Variants in CDON observed in about 807,000 individuals in gnomAD.
CDON encodes the protein cell adhesion molecule-related/down-regulated by oncogenes.
CDON carries 73 observed loss-of-function variants against 120.9 expected under a neutral mutation model. The observed-to-expected ratio is 0.60, with a 90% CI of 0.50 to 0.73. CDON has a LOEUF of 0.73. Among genes scored for constraint, CDON ranks in the 30% least tolerant of loss-of-function variants. The pLI is 0.00. For missense variants in CDON, 1,470 were observed against 1,587.3 expected, an observed-to-expected ratio of 0.93 and a Z score of 1.26; for synonymous variants, 566 against 573.5, an observed-to-expected ratio of 0.99 and a Z score of 0.19.
At chr11:126,037,381 T>C (rs990953442) in intron 1 of CDON, among the ~76,000 whole-genome samples, 1 of 152,214 alleles carries the variant, frequency 6.6e-6, no homozygotes, top group African/African-American at 2.4e-5. Context: ...ATTACAGGCG[T>C]GACCCACTGC....
In CDON at chr11:125,981,324, C is replaced by A; in HGVS notation, c.3001G>T (p.Asp1001Tyr). The A allele has an allele frequency of 6.2e-7, 1 of 1,612,650 alleles. No individual in the cohort carries two copies. Among genetic ancestry groups the A allele is most frequent in the South Asian group, 1.1e-5 (1 of 91,046 alleles). ...NRQQNTIQKYDPPGYLYQGSD... is the reference protein window; with the variant it reads ...NRQQNTIQKYYPPGYLYQGSD... ...CCTTGGTAGAGATATCCTGGTGGGT[C>A]ATATTCTGTTAAAAGAGAACAAAAA... Residue 1001 changes from aspartate (D) to tyrosine (Y), a missense_variant, in exon 17 of 20, where the codon GAC (aspartate) becomes TAC (tyrosine). By Grantham distance (160) the Asp-to-Tyr change is radical. Transcript: ENST00000531738.
intron 18 of CDON, among the ~76,000 whole-genome samples, chr11:125,977,812 A>G (rs1946187191): frequency 7.0e-6 from 1 of 142,028 alleles, no homozygotes; most frequent in Non-Finnish European, 1.5e-5. Context: ...TTGCTGCTTA[A>G]TTTTCTTAAG....
Position 125,989,676 on chromosome 11 carries a change from C to T in CDON, c.2734G>A (p.Glu912Lys), listed in dbSNP as rs1283279067. 5 of 1,613,558 alleles carry T rather than the reference C, an allele frequency of 3.1e-6. No individual in the cohort carries two copies. The East Asian group carries it at 6.7e-5, about 22-fold the overall frequency. ...IKMQCFNEGG[E>K]SEFSNVMICE... ...ATCATCACATTGCTAAATTCACTTT[C>T]TCCTCCTTCATTGAAGCATTGCATT... is the stretch of plus-strand genomic sequence containing the variant. The change falls in exon 15 of 20, where the codon GAA becomes AAA. Residue 912 changes from glutamate to lysine, a missense_variant. Glu to Lys is a moderately conservative substitution (Grantham distance 56). Coordinates refer to ENST00000531738, the MANE Select transcript of CDON (RefSeq NM_001378964.1).
At chr11:125,978,722 T>TTA (rs766619578) in intron 17 of CDON, among the ~76,000 whole-genome samples, 2 of 152,242 alleles carry the variant, frequency 1.3e-5, no homozygotes, top group Admixed American at 6.5e-5. Context: ...ACATTATATG[T>TTA]TATAGCCTCC....
intron 18 of CDON, among the ~76,000 whole-genome samples, chr11:125,970,554 G>A (rs1018531053): frequency 3.3e-5 from 5 of 152,074 alleles, no homozygotes; most frequent in Admixed American, 1.3e-4. Flanking sequence ...TCTTATTTTC[G>A]GGAGCTTATC....
chr11:125,992,043 T>C (rs990681153), intron 14 of CDON, among the ~76,000 whole-genome samples: 2 of 152,136 alleles, frequency 1.3e-5, no homozygotes, highest in African/African-American at 4.8e-5. Flanking sequence ...AGAAGGGTGA[T>C]GATGATGAGA....
chr11:126,007,619 T>TA (rs1404659955), intron 8 of CDON, among the ~76,000 whole-genome samples: 2 of 152,164 alleles, frequency 1.3e-5, no homozygotes, highest in Non-Finnish European at 2.9e-5. Context: ...GATCTGGCTG[T>TA]AAAAGAGTTT....
rs766547644 is a variant in CDON at position 125,995,068 on chromosome 11, AAAAC to A, written c.2363-20_2363-17del. ...TATGTTGAACCTTTGAGGGAAAACAAAAACAAACAAACAACAACAACAAAAACAT... is the reference window on the plus strand; with the variant it reads ...TATGTTGAACCTTTGAGGGAAAACAAAAACAAACAACAACAACAAAAACAT... On this transcript the variant is annotated splice_polypyrimidine_tract_variant and intron_variant, in intron 12 of 19. Transcript: ENST00000531738. The A allele has an allele frequency of 5.6e-6, 9 of 1,598,674 alleles. No homozygotes were observed. The highest frequency in any genetic ancestry group is 3.3e-5 in the South Asian group (3 of 90,522).
At chr11:126,025,238 A>C (rs1947762118) in intron 1 of CDON, among the ~76,000 whole-genome samples, 2 of 152,150 alleles carry the variant, frequency 1.3e-5, no homozygotes, top group African/African-American at 2.4e-5. Flanking sequence ...AAATAAGAAA[A>C]AGAAATATTT....
chr11:126,031,659 A>AGT (rs533287871), intron 1 of CDON, among the ~76,000 whole-genome samples: 128 of 152,312 alleles, frequency 8.4e-4, no homozygotes, highest in African/African-American at 3.1e-3. Context: ...TTCTGTCTGC[A>AGT]GTGTGTGTGC....
At chr11:126,042,390 G>A (rs2134844069) in intron 1 of CDON, among the ~76,000 whole-genome samples, 1 of 152,242 alleles carries the variant, frequency 6.6e-6, no homozygotes, top group Non-Finnish European at 1.5e-5. Flanking sequence ...CAAGAAGGTG[G>A]GACACATGCA....
At chr11:126,020,022 G>C (rs1197856177) in intron 3 of CDON, among the ~76,000 whole-genome samples, 1 of 151,566 alleles carries the variant, frequency 6.6e-6, no homozygotes, top group Non-Finnish European at 1.5e-5. Flanking sequence ...CTGCACTCCA[G>C]CCTGGGTAAC....
In CDON at chr11:126,017,903, T is replaced by C. The variant is rs541913682; in HGVS notation, c.640+427A>G. 4.6e-4 allele frequency among the ~76,000 whole-genome samples: 70 copies of C among 152,110 alleles called. 1 individual carries two copies. The highest frequency in any genetic ancestry group is 7.5e-4 in the Non-Finnish European group (51 of 68,008). ...AACTCTTCTATAATGCATTCATGTA[T>C]TTACTTTTTTTTTTAAGACAGAGTC... is the stretch of plus-strand genomic sequence containing the variant. On this transcript the variant is annotated intron_variant, in intron 5 of 19. Transcript: ENST00000531738.
At chr11:126,008,728 T>G (rs114234150) in intron 8 of CDON, among the ~76,000 whole-genome samples, 1 of 152,192 alleles carries the variant, frequency 6.6e-6, no homozygotes, top group African/African-American at 2.4e-5. Flanking sequence ...GCAGAGCCAC[T>G]CTTATTTTTG....
intron 1 of CDON, among the ~76,000 whole-genome samples, chr11:126,059,528 T>C (rs1051658114): frequency 2.6e-5 from 3 of 116,664 alleles, no homozygotes; most frequent in African/African-American, 1.0e-4. Context: ...CCACTCCCTC[T>C]GCACACACAC....
At chr11:125,972,386 C>T (rs1431476247) in intron 18 of CDON, among the ~76,000 whole-genome samples, 13 of 152,046 alleles carry the variant, frequency 8.6e-5, no homozygotes, top group Non-Finnish European at 5.9e-5. Flanking sequence ...AAGACTACAC[C>T]ACTGCACTCC....
chr11:125,970,453 G>A (rs1030011886), intron 18 of CDON, among the ~76,000 whole-genome samples: 4 of 152,052 alleles, frequency 2.6e-5, no homozygotes, highest in African/African-American at 7.2e-5. Context: ...GATTACAGAC[G>A]TGAGCCACCG....
Position 125,960,957 on chromosome 11 carries a change from C to T in CDON, c.3780G>A (p.Gln1260=), listed in dbSNP as rs757834658. Residue 1260 remains glutamine, a synonymous_variant, in exon 20 of 20, where the codon CAG becomes CAA. Coordinates refer to ENST00000531738, the MANE Select transcript of CDON (RefSeq NM_001378964.1). ...TTGCATGTCCTCAGGTTTCCCGGGG[C>T]TGCTGAAGGACCTCTGTCGGGCTGT... The part of the protein sequence containing the change: ...PLDSPTEVLQ[Q]PRET 17 of 1,614,072 alleles carry T rather than the reference C, an allele frequency of 1.1e-5. No individual in the cohort carries two copies. The highest frequency in any genetic ancestry group is 1.4e-5 in the Non-Finnish European group (16 of 1,180,034).
intron 15 of CDON, among the ~76,000 whole-genome samples, chr11:125,988,513 T>C (rs1296353960): frequency 6.6e-6 from 1 of 152,190 alleles, no homozygotes; most frequent in Admixed American, 6.5e-5. Flanking sequence ...ACTAACAACG[T>C]TGGAGTTAGT....
Sources: gnomAD v4.1 joint callset for allele counts (sites outside exome capture counted in the v4.1 genomes callset) on GRCh38, gnomAD v4.1.1 for gene constraint, MANE v1.5 for transcripts, NCBI Gene and HGNC (gene_info 2026-07-23, HGNC 2026-07-21) for gene names.